Variants in PPP2R2B observed in about 807,000 individuals in gnomAD.
PPP2R2B encodes the protein serine/threonine-protein phosphatase 2A 55 kDa regulatory subunit B beta isoform.
PPP2R2B carries 5 observed loss-of-function variants against 46.0 expected under a neutral mutation model. That is an observed-to-expected ratio of 0.11 (90% CI 0.06 to 0.23). The LOEUF (loss-of-function observed/expected upper bound fraction) is 0.23, where lower values mean the gene tolerates loss of function less well. Ranked by LOEUF, PPP2R2B falls within the 10% of genes least tolerant of loss-of-function variation. The pLI is 1.00. For missense variants in PPP2R2B, 367 were observed against 575.0 expected, an observed-to-expected ratio of 0.64 and a Z score of 3.70; for synonymous variants, 215 against 206.7, an observed-to-expected ratio of 1.04 and a Z score of -0.34.
At chr5:146,710,441 A>T (rs1174612317) in intron 2 of PPP2R2B, among the ~76,000 whole-genome samples, 2 of 152,236 alleles carry the variant, frequency 1.3e-5, no homozygotes, top group Non-Finnish European at 2.9e-5. Flanking sequence ...CCTTTTATTC[A>T]AAACAAGTTC....
intron 2 of PPP2R2B, among the ~76,000 whole-genome samples, chr5:146,701,823 C>T (rs925529128): frequency 1.3e-5 from 2 of 152,100 alleles, no homozygotes; most frequent in Non-Finnish European, 2.9e-5. Flanking sequence ...CTCTGTATTT[C>T]TAATCAGAGA....
At chr5:146,878,972 T>G, upstream of PPP2R2B, 4 of 1,078,996 alleles carry the variant, frequency 3.7e-6, no homozygotes, top group Non-Finnish European at 4.6e-6. The surrounding 1 kb of genome is among the most constrained non-coding windows in gnomAD (Gnocchi z 4.5). Flanking sequence ...TCTTCCAACC[T>G]CCTCCCCTCT....
At position 146,665,316 on chromosome 5, in the gene PPP2R2B, T is replaced by G. The variant is rs116994921; in HGVS notation, c.448-14592A>C. Reference sequence around the variant, plus strand: ...CATGATCTTAGCTAGATCTTCTGGATAGCTTTCTGCAGCTTCTACATCAGC... The same window carrying G: ...CATGATCTTAGCTAGATCTTCTGGAGAGCTTTCTGCAGCTTCTACATCAGC... On this transcript the variant is annotated intron_variant, in intron 5 of 9. Coordinates refer to ENST00000394411, the MANE Select transcript of PPP2R2B (RefSeq NM_181675.4). 8.9e-4 allele frequency among the ~76,000 whole-genome samples: 136 copies of G among 152,374 alleles called. 2 individuals carry two copies. In the East Asian group the frequency reaches 0.016, roughly 18 times the overall value.
chr5:146,757,570 G>A (rs1400472981), intron 2 of PPP2R2B, among the ~76,000 whole-genome samples: 2 of 152,126 alleles, frequency 1.3e-5, no homozygotes, highest in Non-Finnish European at 2.9e-5. Context: ...AGGGGTGTCT[G>A]GAAAACATAG....
chr5:147,054,005 C>T (rs1251686859), intron 1 of PPP2R2B, among the ~76,000 whole-genome samples: 1 of 152,154 alleles, frequency 6.6e-6, no homozygotes, highest in African/African-American at 2.4e-5. Context: ...CATGCCTTTC[C>T]ACCCTCCCAC....
At chr5:146,639,213 T>C (rs1330839177) in intron 6 of PPP2R2B, among the ~76,000 whole-genome samples, 1 of 152,230 alleles carries the variant, frequency 6.6e-6, no homozygotes, top group East Asian at 1.9e-4. Flanking sequence ...TTCTAGTCTC[T>C]GTAAGTTGTG....
At position 146,637,497 on chromosome 5, in the gene PPP2R2B, C is replaced by T. The variant is rs371560791; in HGVS notation, c.790+754G>A. ...TATCTATATTATAGTGGCTTCCTAA[C>T]CTGTCTCCTTGTTTCTTTGTTCTCT... is the stretch of plus-strand genomic sequence containing the variant. On this transcript the variant is annotated intron_variant, in intron 7 of 9. Coordinates refer to ENST00000394411, the MANE Select transcript of PPP2R2B (RefSeq NM_181675.4). 5.3e-5 allele frequency among the ~76,000 whole-genome samples: 8 copies of T among 152,322 alleles called. No individual in the cohort carries two copies. In the South Asian group the frequency reaches 1.7e-3, roughly 32 times the overall value.
At chr5:146,979,501 C>T (rs1310436901) in intron 1 of PPP2R2B, among the ~76,000 whole-genome samples, 1 of 151,616 alleles carries the variant, frequency 6.6e-6, no homozygotes, top group Admixed American at 6.6e-5. Context: ...TCAATAGATG[C>T]TCAATAAATA....
rs747573157 is a variant in PPP2R2B at position 146,745,160 on chromosome 5, C to CAGAGAGAGAGAG, written c.71-44030_71-44019dup. Reference sequence around the variant, plus strand: ...CAACTCTAAAACGTGCAGAGAAAGACAGAGAGAGAGAGAGAGAGAGAGAGA... The same window carrying CAGAGAGAGAGAG: ...CAACTCTAAAACGTGCAGAGAAAGACAGAGAGAGAGAGAGAGAGAGAGAGAGAGAGAGAGAGA... On this transcript the variant is annotated intron_variant, in intron 2 of 9. Coordinates refer to ENST00000394411, the MANE Select transcript of PPP2R2B (RefSeq NM_181675.4). Among the ~76,000 whole-genome samples, 230 of 94,988 alleles carry CAGAGAGAGAGAG rather than the reference C, an allele frequency of 2.4e-3. 3 individuals are homozygous for CAGAGAGAGAGAG. Among genetic ancestry groups the CAGAGAGAGAGAG allele is most frequent in the East Asian group, 0.011 (32 of 2,844 alleles). The allele number at this position is 94,988 out of a possible 152,430, so 62.3% of individuals were successfully genotyped here.
At chr5:146,866,011 T>C (rs928953991) in intron 2 of PPP2R2B, among the ~76,000 whole-genome samples, 1 of 152,196 alleles carries the variant, frequency 6.6e-6, no homozygotes, top group African/African-American at 2.4e-5. Flanking sequence ...GGTCAGCAAA[T>C]GATGGTCTAC....
In PPP2R2B at chr5:146,766,818, C is replaced by A. The variant is rs148532247; in HGVS notation, c.71-65676G>T. ...TCTGTAATCCTAGCACTTTGGGAGGCCAAGGCGGGAGAATCACTTGAGGTC... is the reference window on the plus strand; with the variant it reads ...TCTGTAATCCTAGCACTTTGGGAGGACAAGGCGGGAGAATCACTTGAGGTC... On this transcript the variant is annotated intron_variant, in intron 2 of 9. Transcript: ENST00000394411. 8.9e-3 allele frequency among the ~76,000 whole-genome samples: 1,353 copies of A among 152,064 alleles called. 27 individuals carry two copies. The highest frequency in any genetic ancestry group is 0.031 in the African/African-American group (1,295 of 41,454).
intron 7 of PPP2R2B, among the ~76,000 whole-genome samples, chr5:146,606,158 C>A (rs981231808): frequency 6.6e-6 from 1 of 152,222 alleles, no homozygotes; most frequent in South Asian, 2.1e-4. Context: ...AGGAGGCATG[C>A]AGTGAGCTGG....
At chr5:146,983,799 T>TC (rs1266629441) in intron 1 of PPP2R2B, among the ~76,000 whole-genome samples, 2 of 152,040 alleles carry the variant, frequency 1.3e-5, no homozygotes, top group Non-Finnish European at 1.5e-5. Context: ...TCTTCCTTCC[T>TC]CATAAGGTAA....
At chr5:146,780,523 A>C (rs972880022) in intron 2 of PPP2R2B, among the ~76,000 whole-genome samples, 1 of 152,210 alleles carries the variant, frequency 6.6e-6, no homozygotes, top group Non-Finnish European at 1.5e-5. Flanking sequence ...TGCCAGAGTC[A>C]AGCCCAAACT....
chr5:147,081,435 G>T (rs1403759996), upstream of PPP2R2B: 2 of 746,400 alleles, frequency 2.7e-6, no homozygotes, highest in Non-Finnish European at 4.4e-6. Flanking sequence ...GTCCTGGAGT[G>T]GTTACGAAGG....
At chr5:147,044,644 A>C (rs1348520529) in intron 1 of PPP2R2B, among the ~76,000 whole-genome samples, 1 of 152,148 alleles carries the variant, frequency 6.6e-6, no homozygotes, top group Non-Finnish European at 1.5e-5. Context: ...CACATGCTTA[A>C]GCATCCTGTC....
intron 5 of PPP2R2B, among the ~76,000 whole-genome samples, chr5:146,671,858 G>T (rs1430124810): frequency 2.0e-5 from 3 of 152,152 alleles, no homozygotes; most frequent in East Asian, 3.8e-4. Flanking sequence ...CTCCAAGGGT[G>T]GTCTCATTAA....
chr5:146,854,113 ATACT>A (rs1456196271), intron 2 of PPP2R2B, among the ~76,000 whole-genome samples: 1 of 152,132 alleles, frequency 6.6e-6, no homozygotes, highest in Non-Finnish European at 1.5e-5. Context: ...TGCACAATAA[ATACT>A]TAATAAGTAA....
chr5:146,708,734 A>AT (rs1408450271), intron 2 of PPP2R2B, among the ~76,000 whole-genome samples: 2 of 152,020 alleles, frequency 1.3e-5, no homozygotes, highest in African/African-American at 4.8e-5. Flanking sequence ...AGAGTCAAAG[A>AT]TTTTTTTTAA....
Sources: gnomAD v4.1 joint callset for allele counts (sites outside exome capture counted in the v4.1 genomes callset) on GRCh38, gnomAD v4.1.1 for gene constraint, Gnocchi (gnomAD v3.1) non-coding constraint, MANE v1.5 for transcripts, NCBI Gene and HGNC (gene_info 2026-07-23, HGNC 2026-07-21) for gene names.